The following IPO11 variants were observed in gnomAD, a reference collection of about 807,000 sequenced individuals.
IPO11 encodes the protein importin-11.
IPO11 carries 66 observed loss-of-function variants against 143.2 expected under a neutral mutation model. That is an observed-to-expected ratio of 0.46 (90% CI 0.38 to 0.57). The LOEUF (loss-of-function observed/expected upper bound fraction) is 0.57. Ranked by LOEUF, IPO11 falls within the 20% of genes least tolerant of loss-of-function variation. IPO11 has a pLI of 0.00. For missense variants in IPO11, 1,026 were observed against 1,141.0 expected (o/e 0.90, Z 1.45); for synonymous variants, 385 against 377.8 (o/e 1.02, Z -0.22).
chr5:62,621,525 AGTCC>A (rs1236302088), intron 29 of IPO11, among the ~76,000 whole-genome samples: 1 of 152,128 alleles, frequency 6.6e-6, no homozygotes. Context: ...CCAGACCTGC[AGTCC>A]GTTTTTCGGC....
intron 28 of IPO11, among the ~76,000 whole-genome samples, chr5:62,598,351 C>A (rs1693641958): frequency 2.0e-5 from 3 of 150,866 alleles, no homozygotes; most frequent in South Asian, 2.1e-4. Context: ...TCAGTTTTGT[C>A]TTATGTGAAA....
intron 27 of IPO11, among the ~76,000 whole-genome samples, chr5:62,563,426 A>G (rs1743837343): frequency 6.6e-6 from 1 of 152,170 alleles, no homozygotes; most frequent in Admixed American, 6.5e-5. Flanking sequence ...TATCAGAAAA[A>G]TTTGTTTTAC....
chr5:62,494,981 T>C (rs1171433649), intron 16 of IPO11, among the ~76,000 whole-genome samples: 1 of 152,224 alleles, frequency 6.6e-6, no homozygotes, highest in Non-Finnish European at 1.5e-5. Flanking sequence ...GTTTGGACTG[T>C]ACTTCCCTTT....
intron 28 of IPO11, 33 bp from the exon 29 acceptor site, chr5:62,601,727 TTTTA>T: frequency 8.6e-7 from 1 of 1,167,264 alleles, no homozygotes; most frequent in Non-Finnish European, 1.2e-6. Flanking sequence ...TTATAGACAT[TTTTA>T]TTTAAAACAT....
intron 1 of IPO11, among the ~76,000 whole-genome samples, chr5:62,436,643 G>A (rs1167595086): frequency 6.6e-6 from 1 of 152,150 alleles, no homozygotes; most frequent in Non-Finnish European, 1.5e-5. Context: ...AGATGACCCA[G>A]CCCTTAAGAT....
chr5:62,523,980 A>G (rs1338929922), intron 20 of IPO11, among the ~76,000 whole-genome samples: 1 of 152,164 alleles, frequency 6.6e-6, no homozygotes, highest in Non-Finnish European at 1.5e-5. Context: ...GAGAAATCCC[A>G]TGTGTCCTTC....
intron 19 of IPO11, among the ~76,000 whole-genome samples, chr5:62,513,636 C>G (rs867881753): frequency 7.2e-6 from 1 of 139,548 alleles, no homozygotes. Flanking sequence ...TAGGGGCGGC[C>G]GGGCAGAGGC....
Position 62,614,031 on chromosome 5 carries a change from G to A in IPO11, c.2763+12183G>A, listed in dbSNP as rs1005546798. The stretch of plus-strand genomic sequence containing the variant: ...TATGACAGACTTTAAAACAGCTGTG[G>A]TGCAGTTTTATCTTTATTTTCTTTT... On this transcript the variant is annotated intron_variant, in intron 29 of 29. Coordinates refer to ENST00000325324, the MANE Select transcript of IPO11 (RefSeq NM_016338.5). Among the ~76,000 whole-genome samples, 3 of 152,162 alleles carry A rather than the reference G, an allele frequency of 2.0e-5. No homozygotes were observed. In the East Asian group the frequency reaches 5.8e-4, roughly 29 times the overall value.
intron 5 of IPO11, among the ~76,000 whole-genome samples, chr5:62,461,286 A>G (rs1478706191): frequency 1.3e-5 from 2 of 152,120 alleles, no homozygotes; most frequent in Non-Finnish European, 2.9e-5. Flanking sequence ...ATCATCAGGG[A>G]TGAGAGGGGG....
At chr5:62,607,889 T>C (rs1201695116) in intron 29 of IPO11, among the ~76,000 whole-genome samples, 1 of 151,686 alleles carries the variant, frequency 6.6e-6, no homozygotes, top group African/African-American at 2.4e-5. Context: ...CTATCTCAGC[T>C]CACTGCAACC....
chr5:62,495,710 A>C (rs1741109589), intron 16 of IPO11, among the ~76,000 whole-genome samples: 1 of 152,038 alleles, frequency 6.6e-6, no homozygotes. Flanking sequence ...GACTCAAACG[A>C]TTCACCCACC....
At chr5:62,568,574 C>CAAAA (rs66748975) in intron 27 of IPO11, among the ~76,000 whole-genome samples, 4,600 of 51,806 alleles carry the variant, frequency 0.089, 728 homozygotes, top group African/African-American at 0.28. Context: ...ACTCTGTCTC[C>CAAAA]AAAAAAAAAA....
At chr5:62,613,540 C>T (rs1339428953) in intron 29 of IPO11, among the ~76,000 whole-genome samples, 1 of 151,906 alleles carries the variant, frequency 6.6e-6, no homozygotes, top group African/African-American at 2.4e-5. Flanking sequence ...CAAGCTCAGG[C>T]AATCGGCCCG....
chr5:62,514,637 AGAC>A (rs1432609798), intron 19 of IPO11, among the ~76,000 whole-genome samples: 1 of 148,456 alleles, frequency 6.7e-6, no homozygotes, highest in Non-Finnish European at 1.5e-5. Flanking sequence ...AGGGAGAGGG[AGAC>A]GGGAGGACAT....
intron 3 of IPO11, among the ~76,000 whole-genome samples, chr5:62,445,986 G>T (rs116700007): frequency 1.3e-5 from 2 of 152,124 alleles, no homozygotes; most frequent in African/African-American, 4.8e-5. Context: ...GCAAAATATT[G>T]TAGGAGAACA....
chr5:62,460,782 C>G (rs1745330308), intron 5 of IPO11, among the ~76,000 whole-genome samples: 1 of 152,120 alleles, frequency 6.6e-6, no homozygotes, highest in Admixed American at 6.6e-5. Context: ...TGCATATTGT[C>G]TCACTGAATA....
intron 21 of IPO11, among the ~76,000 whole-genome samples, 185 bp from the exon 22 acceptor site, chr5:62,530,524 T>A (rs975423699): frequency 2.6e-5 from 4 of 152,242 alleles, no homozygotes; most frequent in South Asian, 4.1e-4. Flanking sequence ...AAATATTACA[T>A]AATTTGCAGA....
At chr5:62,623,892 G>A (rs1746462826) in intron 29 of IPO11, among the ~76,000 whole-genome samples, 2 of 151,936 alleles carry the variant, frequency 1.3e-5, no homozygotes, top group African/African-American at 4.8e-5. Context: ...CAAAGTGCAG[G>A]GATTACAGGC....
intron 7 of IPO11, 152 bp from the exon 8 acceptor site, chr5:62,474,264 G>C: frequency 1.9e-6 from 1 of 531,524 alleles, no homozygotes. Flanking sequence ...TTATAATAGT[G>C]AACTGTTTTT....
Sources: gnomAD v4.1 joint callset for allele counts (sites outside exome capture counted in the v4.1 genomes callset) on GRCh38, gnomAD v4.1.1 for gene constraint, MANE v1.5 for transcripts, NCBI Gene and HGNC (gene_info 2026-07-23, HGNC 2026-07-21) for gene names.